Variants in CCDC39 observed in about 807,000 individuals in gnomAD.
The protein encoded by CCDC39 is coiled-coil domain 39 molecular ruler complex subunit, also known as coiled-coil domain-containing protein 39.
Under a neutral mutation model 121.0 loss-of-function variants are expected in CCDC39, and 113 were observed. The ratio of observed to expected loss-of-function variants is 0.93; its 90% CI spans 0.80 to 1.09. CCDC39 has a LOEUF of 1.09. Among genes scored for constraint, CCDC39 ranks in the 50% least tolerant of loss-of-function variants. The probability of loss-of-function intolerance (pLI) is 0.00; values close to 1 mark genes in which losing one functional copy is unlikely to be tolerated. For synonymous variants in CCDC39, 349 were observed against 352.2 expected, an observed-to-expected ratio of 0.99 and a Z score of 0.10; for missense variants, 1,063 against 1,074.7, an observed-to-expected ratio of 0.99 and a Z score of 0.15.
At position 180,614,725 on chromosome 3, in the gene CCDC39, TCTG is replaced by T. The variant is rs1158753089; in HGVS notation, c.*193_*195del. 20 of 504,064 alleles carry T rather than the reference TCTG, an allele frequency of 4.0e-5. No homozygotes were observed. Among genetic ancestry groups the T allele is most frequent in the Non-Finnish European group, 6.2e-5 (18 of 290,554 alleles). The allele number at this position is 504,064 out of a possible 1,614,324, so 31.2% of individuals were successfully genotyped here. On this transcript the variant is annotated 3_prime_UTR_variant, in exon 20 of 20. Coordinates refer to ENST00000476379, the MANE Select transcript of CCDC39 (RefSeq NM_181426.2). ...GTATAACATGTAGCCTTGTCAAGAA[TCTG>T]CTATTAATTTCTTCAGTATGAAGAA... is the stretch of plus-strand genomic sequence containing the variant.
intron 12 of CCDC39, 57 bp downstream of exon 12, chr3:180,644,063 A>T: frequency 1.5e-6 from 2 of 1,303,148 alleles, no homozygotes; most frequent in Admixed American, 2.8e-5. Context: ...TCATTTGTCT[A>T]CAATTAACAT....
At position 180,651,508 on chromosome 3, in the gene CCDC39, CATT is replaced by C. The variant is rs1718208195; in HGVS notation, c.1057_1059del (p.Asn353del). The C allele has an allele frequency of 3.3e-6, 5 of 1,528,074 alleles. No homozygotes were observed. Among genetic ancestry groups the C allele is most frequent in the Non-Finnish European group, 4.4e-6 (5 of 1,139,670 alleles). 94.7% of individuals were successfully genotyped at this position (1,528,074 alleles called of 1,614,324 possible). On this transcript the variant is annotated inframe_deletion, in exon 9 of 20. Transcript: ENST00000476379. ...TCCTTTAATTTTGTTTGTATTATCT[CATT>C]ATGATTTTTAGTTTTTTGTAACCTG...
In CCDC39 at chr3:180,616,314, G is replaced by C. The variant is rs756225920; in HGVS notation, c.2636C>G (p.Ser879Cys). The part of the protein sequence containing the change: ...TASTKGSRQS[S>C]RSPSHTSLSA... The stretch of plus-strand genomic sequence containing the variant: ...TAGTGAAGTATGTGAAGGAGATCTA[G>C]AGCTCTGACGACTGCCTTTTGTGCT... Residue 879 changes from serine to cysteine, a missense_variant, in exon 19 of 20, where the codon TCT (serine) becomes TGT (cysteine). By Grantham distance (112) the Ser-to-Cys change is moderately radical. Transcript: ENST00000476379. The C allele has an allele frequency of 1.9e-6, 3 of 1,613,376 alleles. No individual in the cohort carries two copies. The highest frequency in any genetic ancestry group is 1.7e-5 in the Admixed American group (1 of 59,914).
At chr3:180,652,407 T>C in intron 7 of CCDC39, 141 bp from the exon 8 acceptor site, 1 of 495,982 alleles carries the variant, frequency 2.0e-6, no homozygotes, top group East Asian at 3.5e-5. Flanking sequence ...TTATATTTAA[T>C]ATATAAACAG....
chr3:180,659,852 T>C, intron 4 of CCDC39, 83 bp from the exon 5 acceptor site: 1 of 802,548 alleles, frequency 1.2e-6, no homozygotes, highest in South Asian at 2.0e-5. Context: ...TTAAATAGTA[T>C]TACACTATAC....
rs1472027099 is a variant in CCDC39 at position 180,663,857 on chromosome 3, G to C, written c.210+10C>G. 8.1e-6 allele frequency: 13 copies of C among 1,610,712 alleles called. No homozygotes were observed. The highest frequency in any genetic ancestry group is 1.1e-5 in the Non-Finnish European group (13 of 1,178,752). On this transcript the variant is annotated intron_variant, in intron 2 of 19. Coordinates refer to ENST00000476379, the MANE Select transcript of CCDC39 (RefSeq NM_181426.2). ...CACGATATAATCAACATAAATTTCA[G>C]TTACTGTACCTGTGTAATTGAGAGC...
At chr3:180,635,768 A>G (rs1717811467) in intron 13 of CCDC39, among the ~76,000 whole-genome samples, 1 of 152,146 alleles carries the variant, frequency 6.6e-6, no homozygotes, top group Admixed American at 6.5e-5. Context: ...GCGGCTTTTC[A>G]AGGTGCATGG....
intron 13 of CCDC39, among the ~76,000 whole-genome samples, chr3:180,635,338 A>G (rs1717799459): frequency 4.0e-5 from 6 of 151,832 alleles, no homozygotes; most frequent in Admixed American, 3.3e-4. Flanking sequence ...ATGTCCTCAC[A>G]TTTCAAAACC....
intron 1 of CCDC39, among the ~76,000 whole-genome samples, chr3:180,667,168 T>C (rs1711899799): frequency 6.6e-6 from 1 of 152,004 alleles, no homozygotes. Flanking sequence ...CAACTTAGAG[T>C]CTTCTACCCA....
intron 1 of CCDC39, among the ~76,000 whole-genome samples, chr3:180,677,741 TTC>T (rs1712276871): frequency 6.6e-6 from 1 of 152,162 alleles, no homozygotes; most frequent in African/African-American, 2.4e-5. Context: ...TTTCTCTTCT[TTC>T]TGTATATCTG....
intron 14 of CCDC39, among the ~76,000 whole-genome samples, chr3:180,620,308 G>T (rs953609239): frequency 6.6e-6 from 1 of 151,862 alleles, no homozygotes; most frequent in Non-Finnish European, 1.5e-5. Flanking sequence ...TTTGATACTA[G>T]ATATTAAATC....
chr3:180,668,404 C>G (rs1402047531), intron 1 of CCDC39, among the ~76,000 whole-genome samples: 1 of 151,922 alleles, frequency 6.6e-6, no homozygotes, highest in East Asian at 1.9e-4. Context: ...ATGAAAAAAC[C>G]AAGGACTCTT....
At chr3:180,640,493 A>AT (rs796468329) in intron 13 of CCDC39, among the ~76,000 whole-genome samples, 10 of 152,248 alleles carry the variant, frequency 6.6e-5, no homozygotes, top group African/African-American at 2.4e-4. Context: ...GAAGATAGCA[A>AT]TAAGAGCAGA....
At chr3:180,674,344 G>A (rs1354724293) in intron 1 of CCDC39, among the ~76,000 whole-genome samples, 4 of 152,112 alleles carry the variant, frequency 2.6e-5, no homozygotes, top group African/African-American at 9.7e-5. Context: ...CTGAGACTTT[G>A]CTGAAGTTGC....
At chr3:180,661,575 A>G (rs912805189) in intron 3 of CCDC39, among the ~76,000 whole-genome samples, 2 of 152,140 alleles carry the variant, frequency 1.3e-5, no homozygotes. Flanking sequence ...TAACACTTAC[A>G]TATAAACCAC....
chr3:180,654,639 A>C (rs1711539747), intron 7 of CCDC39, 123 bp downstream of exon 7: 3 of 592,264 alleles, frequency 5.1e-6, no homozygotes, highest in Non-Finnish European at 7.9e-6. Flanking sequence ...AAAAAAAAAG[A>C]AAAAGGAAAA....
At chr3:180,661,059 A>G (rs1711730333) in intron 3 of CCDC39, among the ~76,000 whole-genome samples, 1 of 151,946 alleles carries the variant, frequency 6.6e-6, no homozygotes, top group Non-Finnish European at 1.5e-5. Flanking sequence ...AAGCCACCCC[A>G]AATATATATG....
intron 1 of CCDC39, among the ~76,000 whole-genome samples, chr3:180,667,548 T>C (rs1711915540): frequency 6.6e-6 from 1 of 152,172 alleles, no homozygotes; most frequent in Non-Finnish European, 1.5e-5. Flanking sequence ...GTTACTATTG[T>C]GATTGTTTTG....
Position 180,660,612 on chromosome 3 carries a change from G to A in CCDC39, c.474C>T (p.Leu158=), listed in dbSNP as rs777326219. The A allele has an allele frequency of 4.2e-5, 67 of 1,600,980 alleles. No individual in the cohort carries two copies. In the Admixed American group the frequency reaches 1.0e-3, roughly 25 times the overall value. ...EESAHKDSDA[L]TLQKYAQQDD... ...CTTGTTGTGCATACTTCTGGAGAGTGAGAGCATCACTATCTTTATGAGCTG... is the reference window on the plus strand; with the variant it reads ...CTTGTTGTGCATACTTCTGGAGAGTAAGAGCATCACTATCTTTATGAGCTG... Residue 158 remains leucine (L), a synonymous_variant, in exon 4 of 20, where the codon CTC becomes CTT. Transcript: ENST00000476379.
Sources: gnomAD v4.1 joint callset for allele counts (sites outside exome capture counted in the v4.1 genomes callset) on GRCh38, gnomAD v4.1.1 for gene constraint, MANE v1.5 for transcripts, NCBI Gene and HGNC (gene_info 2026-07-23, HGNC 2026-07-21) for gene names.